The following SLC3A2 variants were observed in gnomAD, a reference collection of about 807,000 sequenced individuals.
SLC3A2 encodes the protein amino acid transporter heavy chain SLC3A2.
SLC3A2 carries 32 observed loss-of-function variants against 48.5 expected under a neutral mutation model. That is an observed-to-expected ratio of 0.66 (90% CI 0.50 to 0.89). The LOEUF is 0.89. Among genes scored for constraint, SLC3A2 ranks in the 40% least tolerant of loss-of-function variants. SLC3A2 has a pLI of 0.00. For synonymous variants in SLC3A2, 277 were observed against 288.8 expected, an observed-to-expected ratio of 0.96 and a Z score of 0.41; for missense variants, 587 against 680.7, an observed-to-expected ratio of 0.86 and a Z score of 1.53.
chr11:62,884,674 G>A lies in SLC3A2; in HGVS notation c.802G>A (p.Gly268Ser). The change falls in exon 5 of 9, where the codon GGC (glycine) becomes AGC (serine). Residue 268 changes from glycine to serine, a missense_variant. This residue lies in a region of SLC3A2 where 409 missense variants were observed against 446.7 expected (regional missense o/e 0.92). Coordinates refer to ENST00000338663, the MANE Select transcript of SLC3A2 (RefSeq NM_001013251.3). ...GGCTGAGTGGCAAAATATCACCAAG[G>A]GCTTCAGTGAAGACAGGTGGGTGCA... ...FLAEWQNITK[G>S]FSEDRLLIAG... The A allele has an allele frequency of 6.2e-7, 1 of 1,606,590 alleles. No homozygotes were observed. The highest frequency in any genetic ancestry group is 8.5e-7 in the Non-Finnish European group (1 of 1,175,104).
intron 5 of SLC3A2, 59 bp downstream of exon 5, chr11:62,884,749 G>T (rs975347032): frequency 8.4e-6 from 12 of 1,420,616 alleles, no homozygotes; most frequent in Non-Finnish European, 1.0e-5. Context: ...TCAGTGGAGT[G>T]CTAGGCCTAA....
chr11:62,884,838 TTTTTTTTTTTGA>T, intron 5 of SLC3A2, 148 bp downstream of exon 5: 1 of 533,404 alleles, frequency 1.9e-6, no homozygotes, highest in Non-Finnish European at 2.8e-6. Context: ...TTTTTTTTTT[TTTTTTTTTTTGA>T]GATGGAGTTC....
At chr11:62,877,605 T>C (rs1435007122), upstream of SLC3A2, among the ~76,000 whole-genome samples, 1 of 152,032 alleles carries the variant, frequency 6.6e-6, no homozygotes, top group Non-Finnish European at 1.5e-5. Flanking sequence ...TAATTTTGTC[T>C]GGGGAGTTGA....
At chr11:62,875,233 T>A (rs2085558748) in intron 1 of SLC3A2, among the ~76,000 whole-genome samples, 1 of 152,144 alleles carries the variant, frequency 6.6e-6, no homozygotes, top group Non-Finnish European at 1.5e-5. Flanking sequence ...CCTCCCATCT[T>A]CTCTCTGCCT....
At chr11:62,866,940 G>T (rs1210389427) in intron 1 of SLC3A2, among the ~76,000 whole-genome samples, 2 of 151,960 alleles carry the variant, frequency 1.3e-5, no homozygotes, top group African/African-American at 4.8e-5. Flanking sequence ...GTATCTTTTG[G>T]TTTCTGGAAA....
exon 1 of SLC3A2, chr11:62,856,360 C>T (rs1173658006): frequency 2.5e-6 from 4 of 1,612,434 alleles, no homozygotes; most frequent in Non-Finnish European, 3.4e-6. Context: ...TGTCCAGGGT[C>T]TCAGCGCGGG....
chr11:62,873,749 A>T (rs2085542087), intron 1 of SLC3A2, among the ~76,000 whole-genome samples: 1 of 152,060 alleles, frequency 6.6e-6, no homozygotes. Context: ...TACAGGCGTG[A>T]GCCATGGCAC....
At chr11:62,867,929 T>A (rs575148946) in intron 1 of SLC3A2, among the ~76,000 whole-genome samples, 34 of 144,654 alleles carry the variant, frequency 2.4e-4, no homozygotes, top group East Asian at 5.9e-4. Flanking sequence ...TCAAAAAAAA[T>A]TTTTTTTTTT....
Position 62,881,008 on chromosome 11 carries a change from C to T in SLC3A2, c.-16C>T. The T allele has an allele frequency of 6.5e-7, 1 of 1,543,000 alleles. No homozygotes were observed. The highest frequency in any genetic ancestry group is 1.3e-5 in the South Asian group (1 of 79,824). On this transcript the variant is annotated 5_prime_UTR_variant, in exon 1 of 9. Coordinates refer to ENST00000338663, the MANE Select transcript of SLC3A2 (RefSeq NM_001013251.3). This position sits in a 1 kb window ranked among gnomAD's most constrained non-coding sequence, Gnocchi z 4.0. ...CTGACCGCAAGCTGCGTCGTGTCGCCGGTTCTGCAGGCACCATGAGCCAGG... is the reference window on the plus strand; with the variant it reads ...CTGACCGCAAGCTGCGTCGTGTCGCTGGTTCTGCAGGCACCATGAGCCAGG...
At chr11:62,882,409 A>G (rs1357936464) in intron 2 of SLC3A2, 2 of 278,706 alleles carry the variant, frequency 7.2e-6, no homozygotes, top group Non-Finnish European at 1.4e-5. Context: ...ATATAGACAC[A>G]TGTTTAAAAA....
Position 62,888,144 on chromosome 11 carries a change from G to A in SLC3A2, c.1153G>A (p.Ala385Thr). Reference sequence around the variant, plus strand: ...TTTCTCTGCTTTTCAGCCTATGGAGGCTCCAGTCATGCTGTGGGATGAGTC... The same window carrying A: ...TTTCTCTGCTTTTCAGCCTATGGAGACTCCAGTCATGCTGTGGGATGAGTC... ...AAALPGQPME[A>T]PVMLWDESSF... The change falls in exon 8 of 9, where the codon GCT (alanine) becomes ACT (threonine). Residue 385 changes from alanine to threonine, a missense_variant. Ala to Thr is a moderately conservative substitution (Grantham distance 58). This residue lies in a region of SLC3A2 where 169 missense variants were observed against 204.4 expected (regional missense o/e 0.83). Transcript: ENST00000338663. 6.2e-7 allele frequency: 1 copy of A among 1,613,548 alleles called. No individual in the cohort carries two copies. Among genetic ancestry groups the A allele is most frequent in the Non-Finnish European group, 8.5e-7 (1 of 1,179,908 alleles).
chr11:62,884,568 C>G, intron 4 of SLC3A2, 43 bp downstream of exon 4: 1 of 1,613,796 alleles, frequency 6.2e-7, no homozygotes, highest in South Asian at 1.1e-5. Context: ...TGGGCGAGAA[C>G]AGAGGGACTC....
chr11:62,881,447 G>T lies in SLC3A2; in HGVS notation c.424G>T (p.Gly142Cys). 6.3e-7 allele frequency: 1 copy of T among 1,579,468 alleles called. No individual in the cohort carries two copies. Among genetic ancestry groups the T allele is most frequent in the Non-Finnish European group, 8.5e-7 (1 of 1,170,974 alleles). Residue 142 changes from glycine to cysteine, a missense_variant and splice_region_variant, in exon 1 of 9, where the codon GGT becomes TGT. Physicochemically the swap from Gly to Cys is radical, Grantham distance 159. This residue lies in a region of SLC3A2 where 409 missense variants were observed against 446.7 expected (regional missense o/e 0.92). Coordinates refer to ENST00000338663, the MANE Select transcript of SLC3A2 (RefSeq NM_001013251.3). This position sits in a 1 kb window ranked among gnomAD's most constrained non-coding sequence, Gnocchi z 4.0. Reference protein sequence around the residue: ...FQGHGAGNLAGLKGRLDYLSS... With the variant: ...FQGHGAGNLACLKGRLDYLSS... ...GGGCCACGGCGCGGGCAACCTGGCG[G>T]GTGAGTGCAGCGCGCCCCCGTCCCG...
chr11:62,869,222 G>A (rs1402383014), intron 1 of SLC3A2, among the ~76,000 whole-genome samples: 1 of 151,296 alleles, frequency 6.6e-6, no homozygotes, highest in Non-Finnish European at 1.5e-5. Context: ...TCTATTATGT[G>A]ATTAGAATAG....
At chr11:62,882,171 C>A in intron 2 of SLC3A2, 105 bp downstream of exon 2, 2 of 1,355,442 alleles carry the variant, frequency 1.5e-6, no homozygotes, top group Non-Finnish European at 2.1e-6. Context: ...TCTGAGTTTT[C>A]CTAGGGCAGG....
chr11:62,878,469 ATT>A (rs35228448), upstream of SLC3A2, among the ~76,000 whole-genome samples: 1 of 142,552 alleles, frequency 7.0e-6, no homozygotes. Flanking sequence ...ACAGATGATA[ATT>A]TTTTTTTTTT....
At chr11:62,885,085 C>T in intron 5 of SLC3A2, 92 bp from the exon 6 acceptor site, 1 of 1,384,558 alleles carries the variant, frequency 7.2e-7, no homozygotes. Context: ...CCCGCCTCAG[C>T]CTCCCAAAGT....
chr11:62,875,535 C>CA lies in SLC3A2; in HGVS notation c.113-5474dup, dbSNP rs375238199. ...TGGGCGACAGAGCGAGACTTCATCT[C>CA]AAAAAAAAAAGTCCTTCTTAGATGT... On this transcript the variant is annotated intron_variant, in intron 1 of 9. Transcript: ENST00000377889. Among the ~76,000 whole-genome samples the CA allele has an allele frequency of 3.2e-3, 471 of 147,686 alleles. 3 individuals carry two copies. The highest frequency in any genetic ancestry group is 9.5e-3 in the African/African-American group (385 of 40,434).
At chr11:62,887,736 T>C (rs1194938783) in intron 7 of SLC3A2, 1 of 150,752 alleles carries the variant, frequency 6.6e-6, no homozygotes, top group Non-Finnish European at 1.4e-5. Flanking sequence ...CAGACATGAG[T>C]TGGGGAGGTT....
Sources: allele counts gnomAD v4.1 joint callset (sites outside exome capture counted in the v4.1 genomes callset), GRCh38; gene constraint gnomAD v4.1.1; regional missense constraint gnomAD v4.1.1; non-coding constraint Gnocchi (gnomAD v3.1); transcripts MANE v1.5; gene names NCBI Gene and HGNC (gene_info 2026-07-23, HGNC 2026-07-21).